Variants in UBR2 observed in about 807,000 individuals in gnomAD.
UBR2 encodes the protein E3 ubiquitin-protein ligase UBR2.
In UBR2, 92 loss-of-function variants were observed where a neutral mutation model predicts 247.9. The ratio of observed to expected loss-of-function variants is 0.37; its 90% CI spans 0.31 to 0.44. The LOEUF (loss-of-function observed/expected upper bound fraction) is 0.44. Among genes scored for constraint, UBR2 ranks in the 20% least tolerant of loss-of-function variants. UBR2 has a pLI of 1.00. For synonymous variants in UBR2, 672 were observed against 693.5 expected (o/e 0.97, Z 0.49); for missense variants, 1,613 against 2,112.6 (o/e 0.76, Z 4.64).
chr6:42,601,908 TGCCCAG>T (rs1262824755), intron 4 of UBR2, among the ~76,000 whole-genome samples: 2 of 92,310 alleles, frequency 2.2e-5, no homozygotes, highest in African/African-American at 8.7e-5. Flanking sequence ...TTTGCTCTGT[TGCCCAG>T]GCTGGAGTAC....
chr6:42,636,865 A>G (rs1796132070), intron 14 of UBR2, 146 bp from the exon 15 acceptor site: 3 of 740,856 alleles, frequency 4.0e-6, no homozygotes, highest in Non-Finnish European at 6.4e-6. Context: ...GGACACTGGA[A>G]GAGGGACCAA....
intron 11 of UBR2, among the ~76,000 whole-genome samples, chr6:42,625,436 C>G (rs968080024): frequency 6.6e-6 from 1 of 151,440 alleles, no homozygotes; most frequent in Non-Finnish European, 1.5e-5. Flanking sequence ...GTTTTTCTTA[C>G]CAGTCTTTCT....
At chr6:42,653,242 A>T (rs1284900874) in intron 25 of UBR2, among the ~76,000 whole-genome samples, 1 of 152,056 alleles carries the variant, frequency 6.6e-6, no homozygotes, top group Admixed American at 6.6e-5. Flanking sequence ...GCATCACAAC[A>T]TCTGCGTAAT....
At chr6:42,658,932 T>C in intron 29 of UBR2, 108 bp downstream of exon 29, 1 of 1,204,526 alleles carries the variant, frequency 8.3e-7, no homozygotes, top group South Asian at 1.9e-5. Flanking sequence ...AGTAATTTAG[T>C]AGAATTCATA....
rs763145832 is a variant in UBR2 at position 42,691,145 on chromosome 6, T to C, written c.5240T>C (p.Leu1747Pro). 2.5e-6 allele frequency: 4 copies of C among 1,614,056 alleles called. No homozygotes were observed. In the Admixed American group the frequency reaches 6.7e-5, roughly 27 times the overall value. Reference protein sequence around the residue: ...IGHAQEANQTLVGIDWQHL With the variant: ...IGHAQEANQTPVGIDWQHL ...CATGCACAGGAAGCCAATCAGACAC[T>C]GGTTGGCATTGACTGGCAACATTTA... is the stretch of plus-strand genomic sequence containing the variant. Residue 1747 changes from leucine (L) to proline (P), a missense_variant, in exon 47 of 47, where the codon CTG becomes CCG. Around this residue, in one of 3 missense-constraint regions of UBR2, gnomAD observed 80 missense variants for 108.6 expected, o/e 0.74. Coordinates refer to ENST00000372901, the MANE Select transcript of UBR2 (RefSeq NM_001363705.2).
chr6:42,690,981 T>C (rs370143485), intron 46 of UBR2, 51 bp from the exon 47 acceptor site: 42 of 1,603,370 alleles, frequency 2.6e-5, no homozygotes, highest in African/African-American at 4.0e-5. Flanking sequence ...TGGGTTATAA[T>C]AGAGGAATAA....
At chr6:42,635,390 C>G (rs1407228813) in intron 13 of UBR2, 28 bp from the exon 14 acceptor site, 1 of 1,603,142 alleles carries the variant, frequency 6.2e-7, no homozygotes, top group Non-Finnish European at 8.5e-7. Flanking sequence ...TATTTTCATT[C>G]ATATATAATT....
At chr6:42,597,753 C>T (rs763213258) in intron 4 of UBR2, among the ~76,000 whole-genome samples, 1 of 151,662 alleles carries the variant, frequency 6.6e-6, no homozygotes, top group African/African-American at 2.4e-5. Context: ...CCCGTCTCTA[C>T]TAAAAATACA....
chr6:42,579,031 A>G (rs896400233), intron 2 of UBR2, among the ~76,000 whole-genome samples: 1 of 152,064 alleles, frequency 6.6e-6, no homozygotes, highest in Non-Finnish European at 1.5e-5. Context: ...GCAGGATTCT[A>G]TTTTAAAACT....
At chr6:42,576,755 A>G (rs1250946120) in intron 2 of UBR2, among the ~76,000 whole-genome samples, 1 of 151,866 alleles carries the variant, frequency 6.6e-6, no homozygotes, top group African/African-American at 2.4e-5. Context: ...TCCTGACCTC[A>G]AGTGATCCAC....
chr6:42,597,098 A>G (rs1342783994), intron 4 of UBR2, among the ~76,000 whole-genome samples: 2 of 152,172 alleles, frequency 1.3e-5, no homozygotes, highest in Admixed American at 1.3e-4. Flanking sequence ...ATCTGCCTAC[A>G]TTTGCTCTGT....
intron 43 of UBR2, among the ~76,000 whole-genome samples, chr6:42,684,387 T>C (rs1457475928): frequency 2.0e-5 from 3 of 151,388 alleles, no homozygotes; most frequent in African/African-American, 7.3e-5. Flanking sequence ...CCATCCTGGC[T>C]AATACGGTGA....
intron 42 of UBR2, among the ~76,000 whole-genome samples, chr6:42,681,048 A>G (rs1002865677): frequency 6.6e-6 from 1 of 151,962 alleles, no homozygotes; most frequent in Non-Finnish European, 1.5e-5. Flanking sequence ...CTGTAATCCC[A>G]GCTACTCGGG....
At chr6:42,662,374 C>A in intron 31 of UBR2, 97 bp downstream of exon 31, 1 of 748,992 alleles carries the variant, frequency 1.3e-6, no homozygotes, top group Non-Finnish European at 2.1e-6. Flanking sequence ...AGGAAAAGAA[C>A]TAAAAATGTT....
chr6:42,667,466 T>C (rs906971247), intron 34 of UBR2, among the ~76,000 whole-genome samples: 19 of 151,956 alleles, frequency 1.3e-4, no homozygotes, highest in African/African-American at 4.6e-4. Context: ...CACTGTTGAC[T>C]GGTAAATTAT....
intron 7 of UBR2, among the ~76,000 whole-genome samples, chr6:42,610,783 G>A (rs896123098): frequency 6.6e-6 from 1 of 151,680 alleles, no homozygotes; most frequent in African/African-American, 2.4e-5. Flanking sequence ...CAGTATGAAT[G>A]TACTTAACAA....
chr6:42,643,569 C>A (rs1178161342), intron 18 of UBR2, among the ~76,000 whole-genome samples: 1 of 151,994 alleles, frequency 6.6e-6, no homozygotes, highest in African/African-American at 2.4e-5. Flanking sequence ...GGACTCCAAC[C>A]TGGGCGACAG....
At chr6:42,632,069 A>AAAAAAAAATATATATATATAT (rs56721828) in intron 11 of UBR2, among the ~76,000 whole-genome samples, 1 of 114,086 alleles carries the variant, frequency 8.8e-6, no homozygotes, top group African/African-American at 3.4e-5. Context: ...AAAAAAAAAA[A>AAAAAAAAATATATATATATAT]ATATATATAT....
intron 33 of UBR2, 99 bp from the exon 34 acceptor site, chr6:42,666,068 T>A (rs2151978957): frequency 1.0e-6 from 1 of 1,003,590 alleles, no homozygotes; most frequent in Non-Finnish European, 1.4e-6. Flanking sequence ...TATTAGGGAA[T>A]TTTTTTCCTT....
Sources: gnomAD v4.1 joint callset for allele counts (sites outside exome capture counted in the v4.1 genomes callset) on GRCh38, gnomAD v4.1.1 for gene constraint, gnomAD v4.1.1 regional missense constraint, MANE v1.5 for transcripts, NCBI Gene and HGNC (gene_info 2026-07-23, HGNC 2026-07-21) for gene names.